ZNG1A: variants seen among roughly 807,000 people sequenced by gnomAD.
ZNG1A encodes the protein Zn regulated GTPase metalloprotein activator 1A, also known as zinc-regulated GTPase metalloprotein activator 1A.
chr9:129,564 CAGA>C, the ZNG1A span, among the ~76,000 whole-genome samples: 2 of 149,160 alleles, frequency 1.3e-5, no homozygotes, highest in African/African-American at 2.5e-5. Flanking sequence ...AAGCCAGTCA[CAGA>C]AGGACAAATA....
the ZNG1A span, among the ~76,000 whole-genome samples, chr9:155,539 G>C: frequency 6.6e-6 from 1 of 152,074 alleles, no homozygotes; most frequent in African/African-American, 2.4e-5. Context: ...CTGAATGCTA[G>C]ATAACAAAGT....
the ZNG1A span, among the ~76,000 whole-genome samples, chr9:176,900 A>G: frequency 0.054 from 8,263 of 151,964 alleles, 300 homozygotes; most frequent in African/African-American, 0.097. Context: ...ATACGTTACA[A>G]ATTTATGCTG....
the ZNG1A span, among the ~76,000 whole-genome samples, chr9:173,625 C>T: frequency 2.0e-5 from 3 of 152,260 alleles, no homozygotes; most frequent in East Asian, 3.9e-4. Context: ...AGGCCTCTTA[C>T]TTGGCCACCC....
the ZNG1A span, chr9:134,905 CATAGCCTA>C: frequency 1.3e-6 from 1 of 757,536 alleles, no homozygotes; most frequent in Non-Finnish European, 2.2e-6. Context: ...TAGTCCTAAA[CATAGCCTA>C]TCTAGTTAAA....
the ZNG1A span, among the ~76,000 whole-genome samples, chr9:141,192 G>T: frequency 2.9e-5 from 4 of 136,538 alleles, no homozygotes; most frequent in African/African-American, 1.1e-4. Context: ...TACAGAGAAT[G>T]CCACAAAGAT....
chr9:173,359 C>T, the ZNG1A span: 329 of 1,602,744 alleles, frequency 2.1e-4, 2 homozygotes, highest in Middle Eastern at 1.0e-3. Context: ...ATTTCTCCAG[C>T]GCACTTCCTA....
At chr9:145,465 G>C in the ZNG1A span, among the ~76,000 whole-genome samples, 1 of 146,786 alleles carries the variant, frequency 6.8e-6, no homozygotes, top group African/African-American at 2.5e-5. Flanking sequence ...ACCAAACACC[G>C]CATATTCTCA....
chr9:176,975 G>C, the ZNG1A span, among the ~76,000 whole-genome samples: 4 of 152,134 alleles, frequency 2.6e-5, no homozygotes, highest in Non-Finnish European at 5.9e-5. Flanking sequence ...ATCAAGGGAA[G>C]GGGGGAATGG....
At chr9:150,636 C>T in the ZNG1A span, 3 of 982,566 alleles carry the variant, frequency 3.1e-6, no homozygotes, top group Non-Finnish European at 3.6e-6. Flanking sequence ...CTGGCAAGCA[C>T]CATACACTGA....
At chr9:151,087 G>T in the ZNG1A span, 1 of 985,248 alleles carries the variant, frequency 1.0e-6, no homozygotes, top group South Asian at 4.7e-5. Flanking sequence ...AATGGAATTT[G>T]AAATGCAGGG....
the ZNG1A span, among the ~76,000 whole-genome samples, chr9:157,778 C>T: frequency 6.9e-5 from 10 of 145,788 alleles, no homozygotes; most frequent in Non-Finnish European, 1.4e-4. Context: ...AATCATATAT[C>T]AGAGCCAAAC....
chr9:140,347 C>G, the ZNG1A span, among the ~76,000 whole-genome samples: 26 of 151,506 alleles, frequency 1.7e-4, no homozygotes, highest in East Asian at 3.1e-3. Context: ...TCAAGTGGGT[C>G]CCTGACCCCT....
the ZNG1A span, among the ~76,000 whole-genome samples, chr9:132,118 A>C: frequency 1.4e-5 from 2 of 141,732 alleles, no homozygotes; most frequent in East Asian, 4.2e-4. Context: ...GAAGGGGCAA[A>C]AAGGAACTCT....
the ZNG1A span, among the ~76,000 whole-genome samples, chr9:175,129 A>C: frequency 1.3e-5 from 2 of 152,202 alleles, no homozygotes; most frequent in African/African-American, 2.4e-5. Context: ...CTGTAATCCC[A>C]GCAACTTTGG....
chr9:156,647 T>G, the ZNG1A span: 10 of 1,144,564 alleles, frequency 8.7e-6, no homozygotes, highest in Admixed American at 6.9e-5. Context: ...ACATGTTCTC[T>G]TACTGAATAC....
At chr9:140,417 C>G in the ZNG1A span, among the ~76,000 whole-genome samples, 12 of 151,228 alleles carry the variant, frequency 7.9e-5, no homozygotes, top group Non-Finnish European at 1.2e-4. Context: ...ACACCTCACA[C>G]GGCCGGGTAC....
chr9:126,656 T>A, the ZNG1A span, among the ~76,000 whole-genome samples: 1 of 152,144 alleles, frequency 6.6e-6, no homozygotes, highest in South Asian at 2.1e-4. Flanking sequence ...AAGAACCAGC[T>A]TTTTGTTTCA....
the ZNG1A span, among the ~76,000 whole-genome samples, chr9:160,399 G>GTTGCAACCA: frequency 6.6e-6 from 1 of 151,940 alleles, no homozygotes; most frequent in South Asian, 2.1e-4. Context: ...TGCAACCAGA[G>GTTGCAACCA]GAATTGGACA....
the ZNG1A span, among the ~76,000 whole-genome samples, chr9:133,935 T>C: frequency 0.056 from 7,939 of 141,096 alleles, 249 homozygotes; most frequent in African/African-American, 0.082. Flanking sequence ...ATGGAGACAC[T>C]GGCCGCCCCA....
Sources: allele counts gnomAD v4.1 joint callset (sites outside exome capture counted in the v4.1 genomes callset), GRCh38; gene constraint gnomAD v4.1.1; transcripts MANE v1.5; gene names NCBI Gene and HGNC (gene_info 2026-07-23, HGNC 2026-07-21).